Variants in TBC1D4 observed in about 807,000 individuals in gnomAD.
TBC1D4 encodes TBC1 domain family member 4.
A neutral mutation model predicts 142.5 loss-of-function variants in TBC1D4; 121 were observed. That is an observed-to-expected ratio of 0.85 (90% CI 0.73 to 0.99). TBC1D4 has a LOEUF of 0.99. Ranked by LOEUF, TBC1D4 falls within the 50% of genes least tolerant of loss-of-function variation. The probability of loss-of-function intolerance (pLI) is 0.00; values close to 1 mark genes in which losing one functional copy is unlikely to be tolerated. For missense variants in TBC1D4, 1,475 were observed against 1,606.6 expected (o/e 0.92, Z 1.40); for synonymous variants, 630 against 628.2 (o/e 1.00, Z -0.04).
intron 1 of TBC1D4, among the ~76,000 whole-genome samples, chr13:75,396,527 T>C (rs1213007824): frequency 1.3e-5 from 2 of 152,176 alleles, no homozygotes; most frequent in Non-Finnish European, 2.9e-5. Flanking sequence ...AATAGGCATA[T>C]TGTATTTGTG....
chr13:75,463,355 G>T (rs1287295788), intron 1 of TBC1D4, among the ~76,000 whole-genome samples: 1 of 152,082 alleles, frequency 6.6e-6, no homozygotes, highest in African/African-American at 2.4e-5. Context: ...TGTATAGGAA[G>T]GGGCCTTGGG....
At chr13:75,343,826 A>G (rs919254424) in intron 5 of TBC1D4, among the ~76,000 whole-genome samples, 2 of 144,244 alleles carry the variant, frequency 1.4e-5, no homozygotes, top group African/African-American at 5.2e-5. Context: ...GTTTATTTTT[A>G]TTTTATTTTA....
chr13:75,444,353 C>G (rs1428682017), intron 1 of TBC1D4, among the ~76,000 whole-genome samples: 1 of 152,082 alleles, frequency 6.6e-6, no homozygotes, highest in African/African-American at 2.4e-5. Flanking sequence ...TCTCAAACTC[C>G]CAGCTTTGAG....
At position 75,375,773 on chromosome 13, in the gene TBC1D4, C is replaced by CCCCACACA. The variant is rs61021889; in HGVS notation, c.499-13167_499-13166insTGTGTGGG. ...ACATTCCCCTACTGCCCCACCCCCCCCACACACACACATAATGGATTCTCT... is the reference window on the plus strand; with the variant it reads ...ACATTCCCCTACTGCCCCACCCCCCCCCCACACACACACACACACATAATGGATTCTCT... On this transcript the variant is annotated intron_variant, in intron 1 of 20. Coordinates refer to ENST00000377636, the MANE Select transcript of TBC1D4 (RefSeq NM_014832.5). 9.2e-4 allele frequency: 123 copies of CCCCACACA among 133,824 alleles called. 1 individual carries two copies. The highest frequency in any genetic ancestry group is 3.5e-3 in the African/African-American group (120 of 34,040). The allele number at this position is 133,824 out of a possible 1,614,324, so 8.3% of individuals were successfully genotyped here.
In TBC1D4 at chr13:75,383,581, G is replaced by A. The variant is rs1018738186; in HGVS notation, c.499-20974C>T. On this transcript the variant is annotated intron_variant, in intron 1 of 20. Transcript: ENST00000377636. ...ACAGTACAATAAGGCATTTTGGAGA[G>A]GGTCCACATTCACATAATTTTTATT... is the stretch of plus-strand genomic sequence containing the variant. 4.6e-5 allele frequency among the ~76,000 whole-genome samples: 7 copies of A among 152,210 alleles called. No homozygotes were observed. The East Asian group carries it at 1.4e-3, about 29-fold the overall frequency.
intron 1 of TBC1D4, among the ~76,000 whole-genome samples, chr13:75,461,063 G>A (rs1169256606): frequency 1.3e-5 from 2 of 152,172 alleles, no homozygotes; most frequent in Non-Finnish European, 2.9e-5. Context: ...ATAAAAATGT[G>A]TTTCCATAAA....
chr13:75,381,084 G>C (rs1035236023), intron 1 of TBC1D4, among the ~76,000 whole-genome samples: 1 of 152,136 alleles, frequency 6.6e-6, no homozygotes, highest in Non-Finnish European at 1.5e-5. Context: ...TGAGAATAAA[G>C]TTTGTATAAA....
At chr13:75,303,011 T>C (rs537869359) in intron 15 of TBC1D4, among the ~76,000 whole-genome samples, 7 of 152,312 alleles carry the variant, frequency 4.6e-5, no homozygotes, top group African/African-American at 1.7e-4. Flanking sequence ...AGCATTCTTA[T>C]ATGGGCATTA....
chr13:75,430,776 G>T (rs999531551), intron 1 of TBC1D4, among the ~76,000 whole-genome samples: 2 of 152,090 alleles, frequency 1.3e-5, no homozygotes, highest in Admixed American at 1.3e-4. Context: ...GTGTAATTAG[G>T]GTTCCTCCGG....
chr13:75,349,357 C>T, intron 4 of TBC1D4, 55 bp from the exon 5 acceptor site: 1 of 1,606,804 alleles, frequency 6.2e-7, no homozygotes, highest in Non-Finnish European at 8.5e-7. Context: ...TGGCAACATT[C>T]AACATTCAAC....
At chr13:75,409,749 C>G (rs1885517665) in intron 1 of TBC1D4, among the ~76,000 whole-genome samples, 1 of 152,182 alleles carries the variant, frequency 6.6e-6, no homozygotes, top group Non-Finnish European at 1.5e-5. Flanking sequence ...TAAATGTTCT[C>G]TGCAATCCCA....
At chr13:75,450,126 C>T (rs1290071128) in intron 1 of TBC1D4, among the ~76,000 whole-genome samples, 2 of 152,122 alleles carry the variant, frequency 1.3e-5, no homozygotes, top group East Asian at 3.8e-4. Context: ...AAGACTAAAA[C>T]CTACCATTGC....
chr13:75,420,622 T>C (rs962663643), intron 1 of TBC1D4, among the ~76,000 whole-genome samples: 2 of 152,184 alleles, frequency 1.3e-5, no homozygotes, highest in African/African-American at 4.8e-5. Flanking sequence ...GAGACCTAAT[T>C]AGATCTCTAG....
intron 1 of TBC1D4, among the ~76,000 whole-genome samples, chr13:75,456,031 A>T (rs868141892): frequency 1.1e-4 from 17 of 151,588 alleles, no homozygotes; most frequent in South Asian, 1.0e-3. Flanking sequence ...GGGTCCCACT[A>T]TGTTGCCCAG....
intron 1 of TBC1D4, among the ~76,000 whole-genome samples, chr13:75,371,203 C>G (rs1477202573): frequency 6.6e-6 from 1 of 152,166 alleles, no homozygotes; most frequent in Non-Finnish European, 1.5e-5. Flanking sequence ...GCAATAGGAA[C>G]AGACAACCTA....
At position 75,284,146 on chromosome 13, in the gene TBC1D4, A is replaced by G. The variant is rs1218078821; in HGVS notation, c.*2646T>C. On this transcript the variant is annotated 3_prime_UTR_variant, in exon 21 of 21. Transcript: ENST00000377636. ...TGGGGTTTCACCATGCAGATCTTGT[A>G]AAGCAGCGGTCTTCAACCTTCTTGA... is the stretch of plus-strand genomic sequence containing the variant. Among the ~76,000 whole-genome samples, 1 of 152,110 alleles carries G rather than the reference A, an allele frequency of 6.6e-6. No individual in the cohort carries two copies. Among genetic ancestry groups the G allele is most frequent in the Non-Finnish European group, 1.5e-5 (1 of 68,014 alleles).
intron 1 of TBC1D4, among the ~76,000 whole-genome samples, chr13:75,449,070 G>T (rs936111856): frequency 8.6e-5 from 13 of 151,496 alleles, no homozygotes; most frequent in African/African-American, 2.9e-4. Context: ...ATACATATCT[G>T]ATGATAATTA....
At chr13:75,431,178 G>T (rs1886578577) in intron 1 of TBC1D4, among the ~76,000 whole-genome samples, 1 of 152,160 alleles carries the variant, frequency 6.6e-6, no homozygotes, top group Non-Finnish European at 1.5e-5. Context: ...GGTGTAATTA[G>T]CTAGTTGATA....
At chr13:75,348,707 T>C (rs1315077901) in intron 5 of TBC1D4, among the ~76,000 whole-genome samples, 1 of 152,198 alleles carries the variant, frequency 6.6e-6, no homozygotes, top group Non-Finnish European at 1.5e-5. Flanking sequence ...CCAAGCAGGC[T>C]TCACTAAAGT....
Sources: gnomAD v4.1 joint callset for allele counts (sites outside exome capture counted in the v4.1 genomes callset) on GRCh38, gnomAD v4.1.1 for gene constraint, MANE v1.5 for transcripts, NCBI Gene and HGNC (gene_info 2026-07-23, HGNC 2026-07-21) for gene names.